The following SMG6 variants were observed in gnomAD, a reference collection of about 807,000 sequenced individuals.
SMG6 encodes the protein SMG6 nonsense mediated mRNA decay factor.
SMG6 carries 66 observed loss-of-function variants against 142.2 expected under a neutral mutation model. The observed-to-expected ratio is 0.46, with a 90% CI of 0.38 to 0.57. The LOEUF (loss-of-function observed/expected upper bound fraction) is 0.57. SMG6 is among the 20% of genes least tolerant of loss of function. The pLI is 0.00. For synonymous variants in SMG6, 779 were observed against 702.4 expected (o/e 1.11, Z -1.72); for missense variants, 1,793 against 1,832.0 (o/e 0.98, Z 0.39).
intron 12 of SMG6, among the ~76,000 whole-genome samples, chr17:2,182,112 T>C (rs977019170): frequency 6.6e-6 from 1 of 152,208 alleles, no homozygotes; most frequent in Non-Finnish European, 1.5e-5. Flanking sequence ...GGACACTCAG[T>C]GACCCTTGTG....
chr17:2,175,044 G>A (rs1196415596), intron 12 of SMG6, among the ~76,000 whole-genome samples: 2 of 152,120 alleles, frequency 1.3e-5, no homozygotes, highest in South Asian at 2.1e-4. Context: ...GCTCAGGGCC[G>A]CCTCCGAGGT....
At chr17:2,144,302 G>A (rs534381330) in intron 13 of SMG6, among the ~76,000 whole-genome samples, 3 of 151,946 alleles carry the variant, frequency 2.0e-5, no homozygotes, top group African/African-American at 7.3e-5. Context: ...CCTGACTTCA[G>A]GTGATCTGCC....
chr17:2,211,464 A>G (rs923407476), intron 10 of SMG6, among the ~76,000 whole-genome samples: 2 of 152,114 alleles, frequency 1.3e-5, no homozygotes, highest in African/African-American at 4.8e-5. Context: ...GGGGATCGAG[A>G]CCATCCTAGC....
intron 13 of SMG6, among the ~76,000 whole-genome samples, chr17:2,123,375 G>A (rs2069765450): frequency 6.6e-6 from 1 of 152,194 alleles, no homozygotes; most frequent in Admixed American, 6.5e-5. Context: ...ACCCCATGGA[G>A]GTACCAGGAA....
At chr17:2,208,234 C>T (rs2072747113) in intron 10 of SMG6, among the ~76,000 whole-genome samples, 1 of 152,192 alleles carries the variant, frequency 6.6e-6, no homozygotes, top group East Asian at 1.9e-4. Context: ...AATGGCCATT[C>T]TCCTACCCCC....
chr17:2,064,828 C>G (rs1420667762), intron 18 of SMG6, among the ~76,000 whole-genome samples: 1 of 151,642 alleles, frequency 6.6e-6, no homozygotes, highest in Non-Finnish European at 1.5e-5. Flanking sequence ...TGAAGAACCT[C>G]GCGGCCTAGG....
intron 13 of SMG6, among the ~76,000 whole-genome samples, chr17:2,132,091 A>AT (rs1023004172): frequency 2.6e-5 from 4 of 151,996 alleles, no homozygotes; most frequent in Non-Finnish European, 4.4e-5. Context: ...GAAAAAAAAA[A>AT]GGAACTTTTG....
chr17:2,162,543 A>T (rs2071215267), intron 13 of SMG6, among the ~76,000 whole-genome samples: 1 of 126,028 alleles, frequency 7.9e-6, no homozygotes, highest in South Asian at 2.5e-4. Flanking sequence ...AAAAAAAAAA[A>T]TCAGTGCTGG....
chr17:2,154,113 T>G (rs1310600017), intron 13 of SMG6, among the ~76,000 whole-genome samples: 65 of 82,210 alleles, frequency 7.9e-4, no homozygotes, highest in South Asian at 2.2e-3. Flanking sequence ...TGACGGTGAC[T>G]GGGGAACCTG....
intron 13 of SMG6, among the ~76,000 whole-genome samples, chr17:2,108,482 G>A (rs966785642): frequency 2.6e-5 from 4 of 152,024 alleles, no homozygotes; most frequent in Non-Finnish European, 4.4e-5. Flanking sequence ...CCAGGCCCAC[G>A]CCTGCAAACC....
chr17:2,080,504 A>G (rs949580258), intron 15 of SMG6, among the ~76,000 whole-genome samples: 3 of 152,260 alleles, frequency 2.0e-5, no homozygotes, highest in Non-Finnish European at 4.4e-5. Context: ...GATTAGACAA[A>G]TATCAGACAA....
intron 8 of SMG6, among the ~76,000 whole-genome samples, chr17:2,260,873 G>A (rs1005992132): frequency 1.3e-5 from 2 of 152,096 alleles, no homozygotes; most frequent in African/African-American, 4.8e-5. Flanking sequence ...GCGGGTGCCT[G>A]TAATCCCAGC....
At chr17:2,086,353 A>G (rs1486041469) in intron 13 of SMG6, among the ~76,000 whole-genome samples, 1 of 152,156 alleles carries the variant, frequency 6.6e-6, no homozygotes, top group Non-Finnish European at 1.5e-5. Flanking sequence ...CAAAAGGAGA[A>G]TTTTCAGCCC....
At chr17:2,147,224 C>T (rs1470508592) in intron 13 of SMG6, among the ~76,000 whole-genome samples, 6 of 152,168 alleles carry the variant, frequency 3.9e-5, no homozygotes, top group African/African-American at 1.4e-4. Flanking sequence ...GAAACCCTGT[C>T]TCTACTAAAA....
At chr17:2,254,968 G>A (rs976287334) in intron 8 of SMG6, among the ~76,000 whole-genome samples, 4 of 152,118 alleles carry the variant, frequency 2.6e-5, no homozygotes, top group African/African-American at 7.2e-5. Flanking sequence ...AGGGAGTCAC[G>A]TCCTGGTGTG....
At chr17:2,270,951 T>C (rs1461867917) in intron 8 of SMG6, among the ~76,000 whole-genome samples, 1 of 152,174 alleles carries the variant, frequency 6.6e-6, no homozygotes, top group Non-Finnish European at 1.5e-5. Flanking sequence ...AGTTTCTCTC[T>C]ACACACAGGA....
chr17:2,108,808 G>C (rs1364652269), intron 13 of SMG6, among the ~76,000 whole-genome samples: 1 of 152,056 alleles, frequency 6.6e-6, no homozygotes, highest in Non-Finnish European at 1.5e-5. Context: ...GTCGCGCATG[G>C]TGGCGGGCGC....
intron 10 of SMG6, among the ~76,000 whole-genome samples, chr17:2,216,768 C>A (rs1490101024): frequency 6.6e-6 from 1 of 152,164 alleles, no homozygotes; most frequent in Non-Finnish European, 1.5e-5. Context: ...GAGACATACT[C>A]TAGTTGAGGG....
rs138966738 is a variant in SMG6 at position 2,298,029 on chromosome 17, C to T, written c.1874G>A (p.Arg625His). ...GAACTCAATATCTAATAGAATACAG[C>T]GCTCATATAGCTGCAGCAGTTCAGC... ...LRAELLQLYE[R>H]CILLDIEFSD... Residue 625 changes from arginine to histidine, a missense_variant, in exon 3 of 19, where the codon CGC becomes CAC. This residue lies in a region of SMG6 where 1,597 missense variants were observed against 1,584.6 expected (regional missense o/e 1.01). Coordinates refer to ENST00000263073, the MANE Select transcript of SMG6 (RefSeq NM_017575.5). 1.4e-4 allele frequency: 220 copies of T among 1,610,558 alleles called. No homozygotes were observed. Among genetic ancestry groups the T allele is most frequent in the Non-Finnish European group, 1.6e-4 (191 of 1,179,488 alleles).
Sources: allele counts gnomAD v4.1 joint callset (sites outside exome capture counted in the v4.1 genomes callset), GRCh38; gene constraint gnomAD v4.1.1; regional missense constraint gnomAD v4.1.1; transcripts MANE v1.5; gene names NCBI Gene and HGNC (gene_info 2026-07-23, HGNC 2026-07-21).